MAGI2: variants seen among roughly 807,000 people sequenced by gnomAD.
MAGI2 encodes the protein membrane-associated guanylate kinase, WW and PDZ domain-containing protein 2.
Under a neutral mutation model 133.3 loss-of-function variants are expected in MAGI2, and 35 were observed. The observed-to-expected ratio is 0.26, with a 90% CI of 0.20 to 0.35. The LOEUF is 0.35. Among genes scored for constraint, MAGI2 ranks in the 10% least tolerant of loss-of-function variants. The pLI is 1.00. For synonymous variants in MAGI2, 729 were observed against 710.6 expected (o/e 1.03, Z -0.41); for missense variants, 1,636 against 1,863.4 (o/e 0.88, Z 2.25).
chr7:78,816,514 A>G (rs1439769977), intron 2 of MAGI2, among the ~76,000 whole-genome samples: 2 of 152,226 alleles, frequency 1.3e-5, no homozygotes, highest in African/African-American at 4.8e-5. Flanking sequence ...AAGCTTAAAG[A>G]CAGAATGACT....
intron 20 of MAGI2, among the ~76,000 whole-genome samples, chr7:78,079,753 A>G (rs1279926657): frequency 6.6e-6 from 1 of 152,210 alleles, no homozygotes; most frequent in Non-Finnish European, 1.5e-5. Context: ...GATTGCCAGA[A>G]GCTGTCTGGT....
At chr7:78,246,967 T>C (rs1024763852) in intron 10 of MAGI2, among the ~76,000 whole-genome samples, 1 of 152,132 alleles carries the variant, frequency 6.6e-6, no homozygotes, top group African/African-American at 2.4e-5. Flanking sequence ...TATCCAACTC[T>C]GCCTCAGAGA....
At chr7:79,021,615 T>C (rs1433107235) in intron 1 of MAGI2, among the ~76,000 whole-genome samples, 1 of 152,238 alleles carries the variant, frequency 6.6e-6, no homozygotes, top group Non-Finnish European at 1.5e-5. Flanking sequence ...GTTTACTCAA[T>C]GCCTATATCA....
intron 3 of MAGI2, among the ~76,000 whole-genome samples, chr7:78,530,684 C>G (rs918877266): frequency 3.5e-4 from 53 of 152,120 alleles, no homozygotes; most frequent in African/African-American, 1.1e-3. Flanking sequence ...TCATGCTTCT[C>G]TTTTCATTAG....
intron 21 of MAGI2, chr7:78,065,638 A>G: frequency 2.9e-6 from 2 of 700,178 alleles, no homozygotes; most frequent in South Asian, 3.0e-5. Context: ...TTTCATGCAC[A>G]TGGAGAGACT....
intron 2 of MAGI2, among the ~76,000 whole-genome samples, chr7:78,906,493 G>C (rs1798002228): frequency 6.6e-6 from 1 of 152,136 alleles, no homozygotes; most frequent in South Asian, 2.1e-4. Flanking sequence ...AGCCACATCT[G>C]TGCTTCAATA....
rs115954916 is a variant in MAGI2 at position 78,538,972 on chromosome 7, T to C, written c.539-17327A>G. The stretch of plus-strand genomic sequence containing the variant: ...AATATAAGTGGCCTAAATGCACTAC[T>C]TAAAAGATACAGTGGAACATGACAA... On this transcript the variant is annotated intron_variant, in intron 3 of 21. Coordinates refer to ENST00000354212, the MANE Select transcript of MAGI2 (RefSeq NM_012301.4). 2.1e-3 allele frequency among the ~76,000 whole-genome samples: 321 copies of C among 152,360 alleles called. 1 individual carries two copies. Among genetic ancestry groups the C allele is most frequent in the African/African-American group, 7.2e-3 (298 of 41,598 alleles).
At chr7:79,228,354 C>CAAA (rs746424350) in intron 1 of MAGI2, among the ~76,000 whole-genome samples, 1,661 of 31,412 alleles carry the variant, frequency 0.053, 212 homozygotes, top group African/African-American at 0.12. Flanking sequence ...AAAAAACAGG[C>CAAA]AAAAAAAAAA....
intron 2 of MAGI2, among the ~76,000 whole-genome samples, chr7:78,765,064 G>A (rs1285375080): frequency 6.6e-6 from 1 of 152,170 alleles, no homozygotes; most frequent in African/African-American, 2.4e-5. Flanking sequence ...TTGCCAGACT[G>A]ATTCTAAATA....
chr7:79,428,046 A>G (rs1847515644), intron 1 of MAGI2, among the ~76,000 whole-genome samples: 1 of 152,172 alleles, frequency 6.6e-6, no homozygotes, highest in Non-Finnish European at 1.5e-5. Context: ...CTAGAAAACT[A>G]TGGGGTCCCT....
At chr7:78,663,791 G>A (rs1160288751) in intron 2 of MAGI2, among the ~76,000 whole-genome samples, 1 of 152,178 alleles carries the variant, frequency 6.6e-6, no homozygotes. Flanking sequence ...GTTTCCAAGA[G>A]TTATATAAAT....
At chr7:78,326,441 T>C in intron 9 of MAGI2, among the ~76,000 whole-genome samples, 1 of 152,190 alleles carries the variant, frequency 6.6e-6, no homozygotes, top group East Asian at 1.9e-4. Flanking sequence ...ATTACTCACA[T>C]TCCTCTGTGG....
chr7:78,500,757 T>A (rs1430497522), intron 5 of MAGI2, among the ~76,000 whole-genome samples: 1 of 152,196 alleles, frequency 6.6e-6, no homozygotes, highest in Non-Finnish European at 1.5e-5. Flanking sequence ...AAAGCCAAAT[T>A]ATTTTACTGA....
chr7:78,625,356 GA>G (rs1808234549), intron 3 of MAGI2, among the ~76,000 whole-genome samples: 1 of 151,318 alleles, frequency 6.6e-6, no homozygotes, highest in Non-Finnish European at 1.5e-5. Context: ...ATTTTAAATA[GA>G]AAAAAGCTTA....
intron 6 of MAGI2, among the ~76,000 whole-genome samples, chr7:78,414,470 T>C (rs1384210832): frequency 6.6e-6 from 1 of 152,042 alleles, no homozygotes; most frequent in African/African-American, 2.4e-5. Context: ...TTTATTTTAT[T>C]CTTTGTACTT....
chr7:78,852,702 A>T (rs920327701), intron 2 of MAGI2, among the ~76,000 whole-genome samples: 1 of 152,110 alleles, frequency 6.6e-6, no homozygotes, highest in African/African-American at 2.4e-5. Flanking sequence ...AAATTTTTCC[A>T]ATTTGTACTA....
chr7:79,089,961 T>G (rs1257359585), intron 1 of MAGI2, among the ~76,000 whole-genome samples: 4 of 151,882 alleles, frequency 2.6e-5, no homozygotes, highest in Non-Finnish European at 5.9e-5. Context: ...TACCTATACA[T>G]GTGCACATTC....
At chr7:79,115,218 T>C (rs993489341) in intron 1 of MAGI2, among the ~76,000 whole-genome samples, 1 of 152,090 alleles carries the variant, frequency 6.6e-6, no homozygotes, top group Admixed American at 6.6e-5. Context: ...AGAAATACAT[T>C]TCACAGATAG....
intron 15 of MAGI2, among the ~76,000 whole-genome samples, chr7:78,166,793 T>G (rs761116574): frequency 2.0e-5 from 3 of 152,080 alleles, no homozygotes; most frequent in African/African-American, 4.8e-5. Context: ...ATTTGCTAAG[T>G]TCTGGCCTAA....
Sources: gnomAD v4.1 joint callset for allele counts (sites outside exome capture counted in the v4.1 genomes callset) on GRCh38, gnomAD v4.1.1 for gene constraint, MANE v1.5 for transcripts, NCBI Gene and HGNC (gene_info 2026-07-23, HGNC 2026-07-21) for gene names.